The following CTAGE1 variants were observed in gnomAD, a reference collection of about 807,000 sequenced individuals.
CTAGE1 encodes cutaneous T cell lymphoma-associated antigen 1, also known as cTAGE family member 2.
For missense variants in CTAGE1, 963 were observed against 855.9 expected (o/e 1.13, Z -1.56); for synonymous variants, 332 against 302.8 (o/e 1.10, Z -1.00).
rs1312648358 is a variant in CTAGE1, at chr18:22,414,440, C to G, written c.*1134G>C. The G allele has an allele frequency of 1.8e-6, 1 of 541,162 alleles. No individual in the cohort carries two copies. The allele number at this position is 541,162 out of a possible 1,614,324, so 33.5% of individuals were successfully genotyped here. On this transcript the variant is annotated 3_prime_UTR_variant, in exon 1 of 1. Coordinates refer to ENST00000391403, the MANE Select transcript of CTAGE1 (RefSeq NM_172241.3). ...TTAACTGCTAGGGGAGGCATGTGAG[C>G]TAGGATGCTTTTTAAAAGTGAGGGC...
rs754204496 is a variant in CTAGE1, at chr18:22,417,854, G to A, written c.-43C>T. On this transcript the variant is annotated 5_prime_UTR_variant, in exon 1 of 1. Coordinates refer to ENST00000391403, the MANE Select transcript of CTAGE1 (RefSeq NM_172241.3). ...CCACAACCCTGCGTAGCAACTCCAG[G>A]ACCAGCCCCAGGTATGGCTGAGGGT... 7.5e-6 allele frequency: 12 copies of A among 1,599,056 alleles called. No homozygotes were observed. The highest frequency in any genetic ancestry group is 1.0e-5 in the Non-Finnish European group (12 of 1,166,728).
chr18:22,417,072 C>G lies in CTAGE1; in HGVS notation c.740G>C (p.Gly247Ala). Residue 247 changes from glycine (G) to alanine (A), a missense_variant, in exon 1 of 1, where the codon GGG becomes GCG. Coordinates refer to ENST00000391403, the MANE Select transcript of CTAGE1 (RefSeq NM_172241.3). The part of the protein sequence containing the change: ...LTERLLKMKD[G>A]VAMLEEDVTD... ...TACATCTTCTTCAAGCATAGCAACC[C>G]CATCTTTCATCTTTAGCAAGCGTTC... 6.2e-7 allele frequency: 1 copy of G among 1,613,920 alleles called. No homozygotes were observed. Among genetic ancestry groups the G allele is most frequent in the East Asian group, 2.2e-5 (1 of 44,868 alleles).
In CTAGE1 at chr18:22,415,525, C is replaced by T. The variant is rs1217843079; in HGVS notation, c.*49G>A. 4.9e-6 allele frequency: 7 copies of T among 1,421,596 alleles called. No individual in the cohort carries two copies. The highest frequency in any genetic ancestry group is 6.7e-6 in the Non-Finnish European group (7 of 1,041,516). 88.1% of individuals were successfully genotyped at this position (1,421,596 alleles called of 1,614,324 possible). On this transcript the variant is annotated 3_prime_UTR_variant, in exon 1 of 1. Transcript: ENST00000391403. ...TGCTGTCGTTCTGGATGTTCAGCAGCAGGCTCATTTGAAGTCGGACTCAAC... is the reference window on the plus strand; with the variant it reads ...TGCTGTCGTTCTGGATGTTCAGCAGTAGGCTCATTTGAAGTCGGACTCAAC...
chr18:22,417,536 TG>T lies in CTAGE1; in HGVS notation c.275del (p.Thr92LysfsTer13). On this transcript the variant is annotated frameshift_variant, in exon 1 of 1. Coordinates refer to ENST00000391403, the MANE Select transcript of CTAGE1 (RefSeq NM_172241.3). LOFTEE classifies it low-confidence loss of function (END_TRUNC). ...AGGTTGCCTCCAAACTTTGTGCTTC[TG>T]TTGCCTCCTTCTCAAAGCTGGCATT... The part of the protein sequence containing the change: ...LKNASFEKEA[T>X]EAQSLEATCE... 3 of 1,614,048 alleles carry T rather than the reference TG, an allele frequency of 1.9e-6. No homozygotes were observed. Among genetic ancestry groups the T allele is most frequent in the Non-Finnish European group, 2.5e-6 (3 of 1,179,876 alleles).
rs1347128550 is a variant in CTAGE1, at chr18:22,417,274, C to A, written c.538G>T (p.Asp180Tyr). ...AGTTCAGAATTTTCTTTCCAAGCAT[C>A]TTGTATTTCTATCTCCAACCGTTCT... ...NEERLEIEIQ[D>Y]AWKENSELQE... Residue 180 changes from aspartate to tyrosine, a missense_variant, in exon 1 of 1, where the codon GAT becomes TAT. Physicochemically the swap from Asp to Tyr is radical, Grantham distance 160. Transcript: ENST00000391403. 1 of 1,613,798 alleles carries A rather than the reference C, an allele frequency of 6.2e-7. No individual in the cohort carries two copies. The highest frequency in any genetic ancestry group is 1.3e-5 in the African/African-American group (1 of 74,908).
chr18:22,413,709 G>C lies in CTAGE1; in HGVS notation c.*1865C>G, dbSNP rs1211920011. On this transcript the variant is annotated 3_prime_UTR_variant, in exon 1 of 1. Transcript: ENST00000391403. ...ACAAAAGCAAATATTATTTTTCTTA[G>C]TTACAAACAAGCAATGTCAGACACA... 1.3e-5 allele frequency: 2 copies of C among 152,136 alleles called. No homozygotes were observed. Among genetic ancestry groups the C allele is most frequent in the Non-Finnish European group, 2.9e-5 (2 of 68,020 alleles). The allele number at this position is 152,136 out of a possible 1,614,324, so 9.4% of individuals were successfully genotyped here.
At position 22,416,798 on chromosome 18, in the gene CTAGE1, G is replaced by A; in HGVS notation, c.1014C>T (p.Asn338=). The A allele has an allele frequency of 6.2e-7, 1 of 1,612,494 alleles. No homozygotes were observed. Among genetic ancestry groups the A allele is most frequent in the Non-Finnish European group, 8.5e-7 (1 of 1,179,812 alleles). The change falls in exon 1 of 1, where the codon AAC becomes AAT. Residue 338 remains asparagine (N), a synonymous_variant. Transcript: ENST00000391403. The part of the protein sequence containing the change: ...QTEQASLQSE[N]THFESENQKL... Reference sequence around the variant, plus strand: ...TCTGATTCTCACTTTCAAAATGTGTGTTTTCTGACTGCAAAGATGCTTGTT... The same window carrying A: ...TCTGATTCTCACTTTCAAAATGTGTATTTTCTGACTGCAAAGATGCTTGTT...
Position 22,415,863 on chromosome 18 carries a change from G to A in CTAGE1, c.1949C>T (p.Pro650Leu), listed in dbSNP as rs1480064296. Residue 650 changes from proline to leucine, a missense_variant, in exon 1 of 1, where the codon CCC (proline) becomes CTC (leucine). Transcript: ENST00000391403. ...AGGGCCAGTTGCTTCATTTTCAGCGGGGAGAGATGAATCAGGCACCTTTAA... is the reference window on the plus strand; with the variant it reads ...AGGGCCAGTTGCTTCATTTTCAGCGAGGAGAGATGAATCAGGCACCTTTAA... ...GNLKVPDSSLPAENEATGPGF... is the reference protein window; with the variant it reads ...GNLKVPDSSLLAENEATGPGF... 41 of 1,613,826 alleles carry A rather than the reference G, an allele frequency of 2.5e-5. No individual in the cohort carries two copies. Among genetic ancestry groups the A allele is most frequent in the Non-Finnish European group, 3.1e-5 (37 of 1,179,872 alleles).
rs906954372 is a variant in CTAGE1 at position 22,415,069 on chromosome 18, C to T, written c.*505G>A. The T allele has an allele frequency of 1.9e-5, 7 of 364,378 alleles. No homozygotes were observed. The Admixed American group carries it at 2.2e-4, about 11-fold the overall frequency. The allele number at this position is 364,378 out of a possible 1,614,324, so 22.6% of individuals were successfully genotyped here. On this transcript the variant is annotated 3_prime_UTR_variant, in exon 1 of 1. Transcript: ENST00000391403. Reference sequence around the variant, plus strand: ...ACAGTTACATAGTATTCTACCTTCCCACCTGTGCATATTTATATATTTCTT... The same window carrying T: ...ACAGTTACATAGTATTCTACCTTCCTACCTGTGCATATTTATATATTTCTT...
Position 22,415,657 on chromosome 18 carries a change from T to C in CTAGE1, c.2155A>G (p.Met719Val), listed in dbSNP as rs1240025081. The C allele has an allele frequency of 1.9e-6, 3 of 1,613,960 alleles. No homozygotes were observed. The highest frequency in any genetic ancestry group is 2.2e-5 in the East Asian group (1 of 44,878). ...CCTCTCGGTAAATAGACATTTCTCA[T>C]TGCAAATGGAGCACGTGGTGGACCT... ...VPGPPRAPFA[M>V]RNVYLPRGFL... Residue 719 changes from methionine (M) to valine (V), a missense_variant, in exon 1 of 1, where the codon ATG (methionine) becomes GTG (valine). Transcript: ENST00000391403.
chr18:22,414,455 A>C lies in CTAGE1; in HGVS notation c.*1119T>G, dbSNP rs887525119. 15 of 557,014 alleles carry C rather than the reference A, an allele frequency of 2.7e-5. No homozygotes were observed. The East Asian group carries it at 4.3e-4, about 16-fold the overall frequency. 34.5% of individuals were successfully genotyped at this position (557,014 alleles called of 1,614,324 possible). A position where few individuals can be genotyped will look rare whatever the true frequency, so the allele number is the denominator to read the frequency against. The stretch of plus-strand genomic sequence containing the variant: ...GGCATGTGAGCTAGGATGCTTTTTA[A>C]AAGTGAGGGCAGGTTGTCCCCAAAA... On this transcript the variant is annotated 3_prime_UTR_variant, in exon 1 of 1. Coordinates refer to ENST00000391403, the MANE Select transcript of CTAGE1 (RefSeq NM_172241.3).
chr18:22,415,816 C>T lies in CTAGE1; in HGVS notation c.1996G>A (p.Ala666Thr), dbSNP rs762816904. ...TGPGFVPPPL[A>T]PIRGLLFPVD... ...GGAAACAATAAACCTCTGATTGGAG[C>T]AAGAGGTGGAGGAACAAAGCCAGGG... The change falls in exon 1 of 1, where the codon GCT becomes ACT. Residue 666 changes from alanine to threonine, a missense_variant. Ala to Thr is a moderately conservative substitution (Grantham distance 58). Coordinates refer to ENST00000391403, the MANE Select transcript of CTAGE1 (RefSeq NM_172241.3). 14 of 1,613,738 alleles carry T rather than the reference C, an allele frequency of 8.7e-6. No homozygotes were observed. The South Asian group carries it at 1.3e-4, about 15-fold the overall frequency.
At position 22,417,898 on chromosome 18, in the gene CTAGE1, T is replaced by G; in HGVS notation, c.-87A>C. ...TGAGGGTTAGCCCTAGGCTCCTCCG[T>G]AGCGCCAAGGCTGCTCTGGCGGTTG... On this transcript the variant is annotated 5_prime_UTR_variant, in exon 1 of 1. Coordinates refer to ENST00000391403, the MANE Select transcript of CTAGE1 (RefSeq NM_172241.3). The G allele has an allele frequency of 7.5e-7, 1 of 1,332,732 alleles. No individual in the cohort carries two copies. Among genetic ancestry groups the G allele is most frequent in the African/African-American group, 1.5e-5 (1 of 68,950 alleles). 82.6% of individuals were successfully genotyped at this position (1,332,732 alleles called of 1,614,324 possible).
Position 22,416,769 on chromosome 18 carries a change from A to C in CTAGE1, c.1043T>G (p.Leu348Arg). 2 of 1,612,462 alleles carry C rather than the reference A, an allele frequency of 1.2e-6. No individual in the cohort carries two copies. The highest frequency in any genetic ancestry group is 1.7e-6 in the Non-Finnish European group (2 of 1,179,748). The change falls in exon 1 of 1, where the codon CTT (leucine) becomes CGT (arginine). Residue 348 changes from leucine to arginine, a missense_variant. Transcript: ENST00000391403. Reference sequence around the variant, plus strand: ...AGTCATTACTTTAAGTTTCTGCTGAAGCTTCTGATTCTCACTTTCAAAATG... The same window carrying C: ...AGTCATTACTTTAAGTTTCTGCTGACGCTTCTGATTCTCACTTTCAAAATG... ...NTHFESENQK[L>R]QQKLKVMTEL...
In CTAGE1 at chr18:22,416,299, A is replaced by G. The variant is rs745702991; in HGVS notation, c.1513T>C (p.Tyr505His). 7.4e-6 allele frequency: 12 copies of G among 1,614,008 alleles called. No individual in the cohort carries two copies. Among genetic ancestry groups the G allele is most frequent in the South Asian group, 1.1e-5 (1 of 91,074 alleles). Reference protein sequence around the residue: ...WPSSETRASLYPPTLLEGPLR... With the variant: ...WPSSETRASLHPPTLLEGPLR... ...GGACCTTCCAACAAAGTTGGAGGAT[A>G]GAGAGAAGCTCTCGTTTCAGATGAA... The change falls in exon 1 of 1, where the codon TAT becomes CAT. Residue 505 changes from tyrosine to histidine, a missense_variant. Tyr to His is a moderately conservative substitution (Grantham distance 83, BLOSUM62 2). Coordinates refer to ENST00000391403, the MANE Select transcript of CTAGE1 (RefSeq NM_172241.3).
Position 22,417,397 on chromosome 18 carries a change from T to C in CTAGE1, c.415A>G (p.Ile139Val). The C allele has an allele frequency of 2.5e-6, 4 of 1,614,014 alleles. No individual in the cohort carries two copies. The highest frequency in any genetic ancestry group is 3.4e-6 in the Non-Finnish European group (4 of 1,179,874). Residue 139 changes from isoleucine (I) to valine (V), a missense_variant, in exon 1 of 1, where the codon ATT becomes GTT. By Grantham distance (29) the Ile-to-Val change is conservative. Coordinates refer to ENST00000391403, the MANE Select transcript of CTAGE1 (RefSeq NM_172241.3). ...HSEQNELMAD[I>V]SKRIQSLEDE... Reference sequence around the variant, plus strand: ...TCTAGCGACTGTATCCTTTTGGAAATATCCGCCATCAATTCATTTTGTTCA... The same window carrying C: ...TCTAGCGACTGTATCCTTTTGGAAACATCCGCCATCAATTCATTTTGTTCA...
Position 22,415,605 on chromosome 18 carries a change from G to GGT in CTAGE1, c.2205_2206dup (p.Pro736HisfsTer21). The GGT allele has an allele frequency of 6.2e-7, 1 of 1,612,062 alleles. No homozygotes were observed. The highest frequency in any genetic ancestry group is 1.1e-5 in the South Asian group (1 of 90,796). On this transcript the variant is annotated frameshift_variant, in exon 1 of 1. Transcript: ENST00000391403. LOFTEE classifies it high-confidence loss of function. ...TGTGGGGGCTGGGGGGAAAAATGCA[G>GGT]GTCTTGGGGGACGGTAAGGAAGAAA...
chr18:22,417,658 G>C lies in CTAGE1; in HGVS notation c.154C>G (p.Leu52Val), dbSNP rs778949279. 1.2e-6 allele frequency: 2 copies of C among 1,614,016 alleles called. No individual in the cohort carries two copies. The highest frequency in any genetic ancestry group is 3.3e-5 in the Admixed American group (2 of 60,024). ...CATTTTTCTTCAATTAGTCCAGAAA[G>C]TGCCACAGCAAACTTTTTCTCTCTT... Reference protein sequence around the residue: ...VRREKKFAVALSGLIEEKCKL... With the variant: ...VRREKKFAVAVSGLIEEKCKL... Residue 52 changes from leucine (L) to valine (V), a missense_variant, in exon 1 of 1, where the codon CTT becomes GTT. Transcript: ENST00000391403.
rs375980034 is a variant in CTAGE1 at position 22,415,972 on chromosome 18, T to C, written c.1840A>G (p.Met614Val). ...SGPAELRSFN[M>V]PSLDKMDGSM... is the part of the protein sequence containing the mutation. Reference sequence around the variant, plus strand: ...CCATCCATTTTATCCAAAGAAGGCATATTAAAACTTCTGAGTTCTGCTGGT... The same window carrying C: ...CCATCCATTTTATCCAAAGAAGGCACATTAAAACTTCTGAGTTCTGCTGGT... The change falls in exon 1 of 1, where the codon ATG becomes GTG. Residue 614 changes from methionine to valine, a missense_variant. Coordinates refer to ENST00000391403, the MANE Select transcript of CTAGE1 (RefSeq NM_172241.3). 5.6e-6 allele frequency: 9 copies of C among 1,613,930 alleles called. No homozygotes were observed. Among genetic ancestry groups the C allele is most frequent in the Admixed American group, 5.0e-5 (3 of 60,020 alleles).
Sources: allele counts gnomAD v4.1 joint callset, GRCh38; gene constraint gnomAD v4.1.1; transcripts MANE v1.5; gene names NCBI Gene and HGNC (gene_info 2026-07-23, HGNC 2026-07-21).